Variants in PDE10A observed in about 807,000 individuals in gnomAD.
PDE10A encodes cAMP and cAMP-inhibited cGMP 3',5'-cyclic phosphodiesterase 10A.
Under a neutral mutation model 97.7 loss-of-function variants are expected in PDE10A, and 39 were observed. That is an observed-to-expected ratio of 0.40 (90% confidence interval 0.31 to 0.52). The LOEUF is 0.52. Among genes scored for constraint, PDE10A ranks in the 20% least tolerant of loss-of-function variants. The pLI is 0.56. For synonymous variants in PDE10A, 371 were observed against 376.8 expected, an observed-to-expected ratio of 0.98 and a Z score of 0.18; for missense variants, 731 against 1,047.8, an observed-to-expected ratio of 0.70 and a Z score of 4.17.
chr6:165,863,002 G>T (rs1780949937), intron 1 of PDE10A, among the ~76,000 whole-genome samples: 1 of 152,192 alleles, frequency 6.6e-6, no homozygotes, highest in African/African-American at 2.4e-5. Flanking sequence ...TTTTAACTTT[G>T]ATTTACAATT....
chr6:165,710,973 A>T (rs1162057674), intron 1 of PDE10A, among the ~76,000 whole-genome samples: 2 of 152,218 alleles, frequency 1.3e-5, no homozygotes, highest in African/African-American at 4.8e-5. Flanking sequence ...GGAAGGGCAG[A>T]CCATCCCCGT....
intron 1 of PDE10A, among the ~76,000 whole-genome samples, chr6:165,889,021 C>A (rs759571470): frequency 6.6e-6 from 1 of 152,130 alleles, no homozygotes; most frequent in Admixed American, 6.5e-5. Context: ...TTTTGTGTAT[C>A]TTTTATGAAC....
intron 18 of PDE10A, among the ~76,000 whole-genome samples, chr6:165,344,880 C>A (rs1241516256): frequency 1.3e-5 from 2 of 152,126 alleles, no homozygotes; most frequent in Non-Finnish European, 2.9e-5. Context: ...CTTCCTGTAA[C>A]CCCAAACAGA....
chr6:165,851,727 A>C (rs146631960), intron 1 of PDE10A, among the ~76,000 whole-genome samples: 3,369 of 152,272 alleles, frequency 0.022, 68 homozygotes, highest in South Asian at 0.11. Context: ...TGAAAAAGCA[A>C]GTGAACAAAA....
At chr6:165,823,601 T>C (rs1429883037) in intron 1 of PDE10A, among the ~76,000 whole-genome samples, 2 of 99,898 alleles carry the variant, frequency 2.0e-5, no homozygotes, top group East Asian at 2.0e-4. Context: ...TAAATATGTA[T>C]GTAGGAGTAC....
At chr6:165,351,373 C>T (rs771029470) in intron 18 of PDE10A, among the ~76,000 whole-genome samples, 15 of 151,886 alleles carry the variant, frequency 9.9e-5, no homozygotes, top group Non-Finnish European at 1.8e-4. Flanking sequence ...ATTAGGACTT[C>T]CAGCAAAAGT....
chr6:165,682,630 C>A (rs1272917478), intron 1 of PDE10A, among the ~76,000 whole-genome samples: 9 of 152,110 alleles, frequency 5.9e-5, no homozygotes, highest in African/African-American at 2.2e-4. Flanking sequence ...ACCGGAAAGC[C>A]AGCCTTCACC....
chr6:165,852,778 C>A (rs1208313483), intron 1 of PDE10A, among the ~76,000 whole-genome samples: 2 of 152,218 alleles, frequency 1.3e-5, no homozygotes, highest in African/African-American at 4.8e-5. Flanking sequence ...AATTTTCTCT[C>A]TGTGCACATG....
chr6:165,958,706 A>AAGAT (rs1784255276), intron 1 of PDE10A, among the ~76,000 whole-genome samples: 1 of 139,742 alleles, frequency 7.2e-6, no homozygotes, highest in South Asian at 2.2e-4. Context: ...GAAAGAAAGA[A>AAGAT]AGAAAGAGAG....
intron 1 of PDE10A, among the ~76,000 whole-genome samples, chr6:165,691,106 T>TCTCCCTCTCTCTC (rs143783728): frequency 2.6e-5 from 1 of 39,094 alleles, no homozygotes; most frequent in Non-Finnish European, 4.5e-5. Context: ...TCTTTCTCTC[T>TCTCCCTCTCTCTC]CCCCCCCCCC....
intron 1 of PDE10A, among the ~76,000 whole-genome samples, chr6:165,609,166 G>T (rs569500121): frequency 6.6e-6 from 1 of 152,234 alleles, no homozygotes; most frequent in East Asian, 1.9e-4. Flanking sequence ...TGGTGTTTTA[G>T]ACATGAAATC....
chr6:165,646,194 C>A (rs1038738314), intron 1 of PDE10A, among the ~76,000 whole-genome samples: 1 of 152,166 alleles, frequency 6.6e-6, no homozygotes, highest in Admixed American at 6.5e-5. Context: ...TAGACCTTGT[C>A]ATGAAGTCAC....
At chr6:165,830,720 A>G (rs538318771) in intron 1 of PDE10A, among the ~76,000 whole-genome samples, 8 of 152,220 alleles carry the variant, frequency 5.3e-5, no homozygotes, top group Non-Finnish European at 8.8e-5. Flanking sequence ...TGAAGGGACA[A>G]TCTGAGCACC....
rs142368040 is a variant in PDE10A at position 165,628,059 on chromosome 6, G to A, written c.865+33888C>T. Among the ~76,000 whole-genome samples, 230 of 152,314 alleles carry A rather than the reference G, an allele frequency of 1.5e-3. 1 individual carries two copies. The highest frequency in any genetic ancestry group is 5.1e-3 in the African/African-American group (213 of 41,568). On this transcript the variant is annotated intron_variant, in intron 1 of 21. Coordinates refer to ENST00000539869, the MANE Select transcript of PDE10A (RefSeq NM_001385079.1). ...CAAACAAAAATGCCTGTGAATTATA[G>A]TAACCTTAAATGATGAGAATTTAAA...
chr6:165,749,138 T>A (rs1792908278), intron 1 of PDE10A, among the ~76,000 whole-genome samples: 1 of 31,284 alleles, frequency 3.2e-5, no homozygotes. Flanking sequence ...TACAAAGTAC[T>A]TAAATAAAGA....
intron 13 of PDE10A, among the ~76,000 whole-genome samples, chr6:165,411,401 TAAG>T (rs1456161533): frequency 1.3e-5 from 2 of 152,116 alleles, no homozygotes; most frequent in African/African-American, 4.8e-5. Flanking sequence ...AGTGTCTTCA[TAAG>T]AAGAGTCTAG....
intron 1 of PDE10A, among the ~76,000 whole-genome samples, chr6:165,861,566 A>G (rs1022490092): frequency 8.6e-5 from 13 of 151,746 alleles, no homozygotes; most frequent in Non-Finnish European, 1.8e-4. Context: ...TGTGAAGGGG[A>G]GCCACTGAAG....
At chr6:165,635,013 C>T (rs1314531117) in intron 1 of PDE10A, among the ~76,000 whole-genome samples, 3 of 152,126 alleles carry the variant, frequency 2.0e-5, no homozygotes, top group Non-Finnish European at 4.4e-5. Context: ...TACTACTCCT[C>T]CAGGTTGCCA....
At chr6:165,888,545 A>G (rs974431556) in intron 1 of PDE10A, among the ~76,000 whole-genome samples, 3 of 151,978 alleles carry the variant, frequency 2.0e-5, no homozygotes, top group African/African-American at 4.8e-5. Flanking sequence ...CAGCCTCCCA[A>G]AGTGCTGAGA....
Sources: allele counts gnomAD v4.1 joint callset (sites outside exome capture counted in the v4.1 genomes callset), GRCh38; gene constraint gnomAD v4.1.1; transcripts MANE v1.5; gene names NCBI Gene and HGNC (gene_info 2026-07-23, HGNC 2026-07-21).